The following DLGAP2 variants were observed in gnomAD, a reference collection of about 807,000 sequenced individuals.
DLGAP2 encodes DLG associated protein 2.
DLGAP2 carries 26 observed loss-of-function variants against 100.3 expected under a neutral mutation model. The observed-to-expected ratio is 0.26, with a 90% CI of 0.19 to 0.36. The LOEUF is 0.36. DLGAP2 is among the 10% of genes least tolerant of loss of function. DLGAP2 has a pLI of 1.00. For synonymous variants in DLGAP2, 886 were observed against 630.1 expected (o/e 1.41, Z -6.08); for missense variants, 1,858 against 1,453.2 (o/e 1.28, Z -4.53).
At chr8:1,311,980 A>C (rs777778510) in intron 3 of DLGAP2, among the ~76,000 whole-genome samples, 1 of 152,222 alleles carries the variant, frequency 6.6e-6, no homozygotes, top group Non-Finnish European at 1.5e-5. Context: ...GCTCTCAGTA[A>C]TTGACAGATC....
intron 1 of DLGAP2, among the ~76,000 whole-genome samples, chr8:902,042 T>C (rs893760457): frequency 6.6e-6 from 1 of 152,140 alleles, no homozygotes; most frequent in Non-Finnish European, 1.5e-5. Flanking sequence ...CAAGCCATGG[T>C]CATCGGAACC....
At chr8:1,503,604 G>A (rs1436140885) in intron 4 of DLGAP2, among the ~76,000 whole-genome samples, 1 of 152,054 alleles carries the variant, frequency 6.6e-6, no homozygotes, top group Non-Finnish European at 1.5e-5. Context: ...CCACGTCACT[G>A]TTTTCGGTTC....
At chr8:740,937 G>A (rs1234316100) in intron 1 of DLGAP2, among the ~76,000 whole-genome samples, 1 of 152,174 alleles carries the variant, frequency 6.6e-6, no homozygotes, top group Non-Finnish European at 1.5e-5. Context: ...TTGGCCAGAT[G>A]GGAGTCATAT....
intron 2 of DLGAP2, among the ~76,000 whole-genome samples, chr8:963,861 AT>A (rs1432371411): frequency 6.6e-6 from 1 of 152,216 alleles, no homozygotes; most frequent in African/African-American, 2.4e-5. Context: ...GACATTTAAA[AT>A]TTTTGTGCAA....
intron 3 of DLGAP2, among the ~76,000 whole-genome samples, chr8:1,491,951 C>A (rs751144617): frequency 6.6e-6 from 1 of 152,200 alleles, no homozygotes; most frequent in South Asian, 2.1e-4. Flanking sequence ...GAGGGGGTGA[C>A]GAGTGCACCT....
At chr8:1,240,582 C>A (rs558385664) in intron 2 of DLGAP2, among the ~76,000 whole-genome samples, 1 of 150,206 alleles carries the variant, frequency 6.7e-6, no homozygotes. Flanking sequence ...GGCGCCGTGT[C>A]TAGTTCTCTC....
In DLGAP2 at chr8:960,235, A is replaced by ATTTTTTTTTTTTTTTTTTTT. The variant is rs1209692955; in HGVS notation, c.73+52270_73+52271insTTTTTTTTTTTTTTTTTTTT. Among the ~76,000 whole-genome samples, 40 of 8,274 alleles carry ATTTTTTTTTTTTTTTTTTTT rather than the reference A, an allele frequency of 4.8e-3. 1 individual carries two copies. Among genetic ancestry groups the ATTTTTTTTTTTTTTTTTTTT allele is most frequent in the Admixed American group, 5.9e-3 (4 of 682 alleles). The allele number at this position is 8,274 out of a possible 152,430, so 5.4% of individuals were successfully genotyped here. ...TTTTGGGCAATTATTCCTGAAGTATATCTTTTTTTTTTTTTTTCCCGAGAC... is the reference window on the plus strand; with the variant it reads ...TTTTGGGCAATTATTCCTGAAGTATATTTTTTTTTTTTTTTTTTTTTCTTTTTTTTTTTTTTTCCCGAGAC... On this transcript the variant is annotated intron_variant, in intron 2 of 14. Coordinates refer to ENST00000637795, the MANE Select transcript of DLGAP2 (RefSeq NM_001346810.2).
chr8:1,524,001 C>T (rs1029336399), intron 4 of DLGAP2, among the ~76,000 whole-genome samples: 4 of 152,328 alleles, frequency 2.6e-5, no homozygotes, highest in South Asian at 2.1e-4. Flanking sequence ...AGTCCGGATT[C>T]GGCATCAGAT....
At chr8:1,343,402 G>C (rs1801464570) in intron 3 of DLGAP2, among the ~76,000 whole-genome samples, 1 of 152,110 alleles carries the variant, frequency 6.6e-6, no homozygotes, top group Non-Finnish European at 1.5e-5. Flanking sequence ...GTGTCCTGGG[G>C]TTTTCTTGGG....
chr8:1,626,185 C>G, intron 6 of DLGAP2, among the ~76,000 whole-genome samples: 1 of 148,826 alleles, frequency 6.7e-6, no homozygotes, highest in African/African-American at 2.5e-5. Context: ...CCATCTCTAC[C>G]CTGTGGCGGG....
chr8:1,147,496 G>A (rs556410276), intron 2 of DLGAP2, among the ~76,000 whole-genome samples: 5 of 148,760 alleles, frequency 3.4e-5, no homozygotes, highest in African/African-American at 9.9e-5. Context: ...TTCATTTAAC[G>A]TTTTTCTCAT....
At position 1,352,207 on chromosome 8, in the gene DLGAP2, T is replaced by C. The variant is rs113216499; in HGVS notation, c.106+93324T>C. On this transcript the variant is annotated intron_variant, in intron 3 of 14. Transcript: ENST00000637795. Reference sequence around the variant, plus strand: ...ATAGGCTGTGCGGGTCCTGACTGTGTGTGGAAAGGCCGTGCGGGTCCTGAC... The same window carrying C: ...ATAGGCTGTGCGGGTCCTGACTGTGCGTGGAAAGGCCGTGCGGGTCCTGAC... Among the ~76,000 whole-genome samples the C allele has an allele frequency of 3.5e-5, 4 of 112,756 alleles. 1 individual carries two copies. The highest frequency in any genetic ancestry group is 6.8e-4 in the South Asian group (2 of 2,958). The allele number at this position is 112,756 out of a possible 152,430, so 74.0% of individuals were successfully genotyped here.
At chr8:1,352,471 TCA>T (rs1458161074) in intron 3 of DLGAP2, among the ~76,000 whole-genome samples, 3 of 152,172 alleles carry the variant, frequency 2.0e-5, no homozygotes, top group Non-Finnish European at 2.9e-5. Context: ...TCAGCTCTTA[TCA>T]CTTCCTAAAA....
At chr8:1,141,095 G>C (rs7837949) in intron 2 of DLGAP2, among the ~76,000 whole-genome samples, 2,597 of 152,272 alleles carry the variant, frequency 0.017, 73 homozygotes, top group African/African-American at 0.06. Context: ...GCTGTGTCCT[G>C]TGGACAGTAA....
chr8:886,146 G>T (rs903606393), intron 1 of DLGAP2, among the ~76,000 whole-genome samples: 18 of 152,150 alleles, frequency 1.2e-4, no homozygotes, highest in Admixed American at 7.2e-4. Flanking sequence ...ATGCATCCAG[G>T]AATCTATCCA....
At chr8:1,484,886 T>C (rs2130259638) in intron 3 of DLGAP2, among the ~76,000 whole-genome samples, 1 of 152,302 alleles carries the variant, frequency 6.6e-6, no homozygotes, top group Admixed American at 6.5e-5. Context: ...TCTCAGCCTT[T>C]CAGCCCCCTC....
In DLGAP2 at chr8:1,553,288, C is replaced by A. The variant is rs4875873; in HGVS notation, c.1230+3605C>A. On this transcript the variant is annotated intron_variant, in intron 5 of 14. Transcript: ENST00000637795. ...TCTCCTCTTCTAGTGTCTTCCCCAC[C>A]TGGCGTCGCCCGGCCGCAACCCTGG... 5.3e-5 allele frequency among the ~76,000 whole-genome samples: 8 copies of A among 152,210 alleles called. No homozygotes were observed. In the South Asian group the frequency reaches 1.0e-3, roughly 20 times the overall value.
At chr8:1,262,495 G>C (rs1156991235) in intron 3 of DLGAP2, 1 of 152,152 alleles carries the variant, frequency 6.6e-6, no homozygotes, top group African/African-American at 2.4e-5. Flanking sequence ...CGAGGGTCTG[G>C]ATGCCATTCA....
chr8:1,200,116 G>A (rs1040882464), intron 2 of DLGAP2, among the ~76,000 whole-genome samples: 1 of 152,116 alleles, frequency 6.6e-6, no homozygotes, highest in African/African-American at 2.4e-5. Context: ...GGGGGCGTGG[G>A]GGCCGGGAGC....
Sources: gnomAD v4.1 joint callset for allele counts (sites outside exome capture counted in the v4.1 genomes callset) on GRCh38, gnomAD v4.1.1 for gene constraint, MANE v1.5 for transcripts, NCBI Gene and HGNC (gene_info 2026-07-23, HGNC 2026-07-21) for gene names.